CNTN4: variants seen among roughly 807,000 people sequenced by gnomAD.
The protein encoded by CNTN4 is contactin 4.
A neutral mutation model predicts 122.5 loss-of-function variants in CNTN4; 77 were observed. The observed-to-expected ratio is 0.63, with a 90% CI of 0.52 to 0.76. The LOEUF is 0.76. CNTN4 is among the 30% of genes least tolerant of loss of function. CNTN4 has a pLI of 0.00. For synonymous variants in CNTN4, 512 were observed against 447.0 expected, an observed-to-expected ratio of 1.15 and a Z score of -1.83; for missense variants, 1,256 against 1,259.1, an observed-to-expected ratio of 1.00 and a Z score of 0.04.
chr3:2,365,836 T>C (rs2045356072), intron 3 of CNTN4, among the ~76,000 whole-genome samples: 1 of 152,156 alleles, frequency 6.6e-6, no homozygotes. Flanking sequence ...AAACAAAACG[T>C]AAACACAAAA....
At chr3:2,122,681 C>T (rs2033881444) in intron 2 of CNTN4, among the ~76,000 whole-genome samples, 1 of 152,014 alleles carries the variant, frequency 6.6e-6, no homozygotes, top group South Asian at 2.1e-4. Context: ...TAATTATTTC[C>T]AGATTGCCCT....
chr3:2,907,762 G>A (rs1209040967), intron 12 of CNTN4, among the ~76,000 whole-genome samples: 1 of 152,054 alleles, frequency 6.6e-6, no homozygotes, highest in Non-Finnish European at 1.5e-5. Context: ...TTTTCCCTTG[G>A]TTTTATTTTA....
chr3:2,623,348 G>A (rs1306716369), intron 4 of CNTN4, among the ~76,000 whole-genome samples: 2 of 151,426 alleles, frequency 1.3e-5, no homozygotes, highest in African/African-American at 2.4e-5. Context: ...CTGAAGCACA[G>A]CAATCATTTC....
At chr3:2,323,765 C>A (rs895570092) in intron 2 of CNTN4, among the ~76,000 whole-genome samples, 1 of 152,108 alleles carries the variant, frequency 6.6e-6, no homozygotes, top group Non-Finnish European at 1.5e-5. Context: ...TGCTTTAGTG[C>A]CTTGACTCAA....
intron 6 of CNTN4, among the ~76,000 whole-genome samples, chr3:2,785,267 CAGT>C (rs906332266): frequency 2.0e-5 from 3 of 152,100 alleles, no homozygotes; most frequent in African/African-American, 7.2e-5. Flanking sequence ...GTTATAATTC[CAGT>C]CCAAGTCTGA....
intron 6 of CNTN4, among the ~76,000 whole-genome samples, chr3:2,799,149 A>C (rs535715479): frequency 8.6e-4 from 131 of 152,220 alleles, no homozygotes; most frequent in Admixed American, 2.4e-3. Flanking sequence ...CTTTTGAAAA[A>C]TGTCTGTTTG....
intron 8 of CNTN4, among the ~76,000 whole-genome samples, chr3:2,873,732 T>C (rs550150268): frequency 6.6e-6 from 1 of 152,326 alleles, no homozygotes; most frequent in South Asian, 2.1e-4. Flanking sequence ...ATTAACCTAG[T>C]GGGTTTTTGA....
chr3:2,388,708 G>A (rs760909905), intron 3 of CNTN4, among the ~76,000 whole-genome samples: 3 of 152,088 alleles, frequency 2.0e-5, no homozygotes, highest in Non-Finnish European at 4.4e-5. Flanking sequence ...AGCCTGGGAT[G>A]GTGGCATGCA....
In CNTN4 at chr3:2,492,381, G is replaced by A. The variant is rs551085791; in HGVS notation, c.-88-79035G>A. Among the ~76,000 whole-genome samples, 3 of 152,242 alleles carry A rather than the reference G, an allele frequency of 2.0e-5. No homozygotes were observed. The East Asian group carries it at 5.8e-4, about 29-fold the overall frequency. On this transcript the variant is annotated intron_variant, in intron 3 of 24. Coordinates refer to ENST00000418658, the MANE Select transcript of CNTN4 (RefSeq NM_175607.3). Reference sequence around the variant, plus strand: ...AGTCCTGCAGGCTTATCATGGATCTGGGGCAGTAATCTAAAGACATTGGAA... The same window carrying A: ...AGTCCTGCAGGCTTATCATGGATCTAGGGCAGTAATCTAAAGACATTGGAA...
intron 4 of CNTN4, among the ~76,000 whole-genome samples, chr3:2,692,174 A>T (rs1172625627): frequency 6.6e-6 from 1 of 152,228 alleles, no homozygotes. Context: ...CTATCTGCTT[A>T]TTCACAAATA....
chr3:2,769,649 A>T (rs770476795), intron 6 of CNTN4, among the ~76,000 whole-genome samples: 1 of 152,192 alleles, frequency 6.6e-6, no homozygotes, highest in Non-Finnish European at 1.5e-5. Context: ...AGAAACACCT[A>T]TGTTGGTTTC....
intron 2 of CNTN4, among the ~76,000 whole-genome samples, chr3:2,264,296 G>T (rs957531763): frequency 6.6e-6 from 1 of 151,850 alleles, no homozygotes. Flanking sequence ...TTGTCTTTTT[G>T]ATAATAGCTG....
chr3:2,946,128 C>A (rs751676980), intron 13 of CNTN4, among the ~76,000 whole-genome samples: 18 of 151,996 alleles, frequency 1.2e-4, no homozygotes, highest in Non-Finnish European at 2.2e-4. Flanking sequence ...GTTGAAAACT[C>A]TGGTTTTCAG....
intron 2 of CNTN4, among the ~76,000 whole-genome samples, chr3:2,196,599 G>T (rs1318010691): frequency 6.6e-6 from 1 of 152,022 alleles, no homozygotes. Flanking sequence ...TCATTCAACA[G>T]TTACTAGTAC....
intron 6 of CNTN4, among the ~76,000 whole-genome samples, chr3:2,753,499 C>T (rs990596021): frequency 6.6e-6 from 1 of 152,144 alleles, no homozygotes; most frequent in Non-Finnish European, 1.5e-5. Context: ...AGGTGAAGAA[C>T]ATGAAAATTA....
At chr3:2,229,062 T>C (rs539365446) in intron 2 of CNTN4, among the ~76,000 whole-genome samples, 1 of 152,290 alleles carries the variant, frequency 6.6e-6, no homozygotes, top group African/African-American at 2.4e-5. Flanking sequence ...CCTTGTAGAA[T>C]TGGCCTATAG....
chr3:2,838,238 G>A (rs1444391979), intron 7 of CNTN4, among the ~76,000 whole-genome samples: 3 of 152,282 alleles, frequency 2.0e-5, no homozygotes, highest in Non-Finnish European at 1.5e-5. Context: ...TAAAGAATGC[G>A]AATGAAGGCA....
chr3:3,035,438 G>A (rs142171084), intron 17 of CNTN4, among the ~76,000 whole-genome samples: 12 of 152,148 alleles, frequency 7.9e-5, no homozygotes, highest in Non-Finnish European at 1.8e-4. Context: ...TAGCACTGTG[G>A]TTCACTTTGG....
chr3:2,136,291 G>T (rs1442093536), intron 2 of CNTN4, among the ~76,000 whole-genome samples: 2 of 152,158 alleles, frequency 1.3e-5, no homozygotes, highest in Non-Finnish European at 2.9e-5. Flanking sequence ...CCTGAAGCTA[G>T]GTTGTCCCAG....
Sources: gnomAD v4.1 joint callset for allele counts (sites outside exome capture counted in the v4.1 genomes callset) on GRCh38, gnomAD v4.1.1 for gene constraint, MANE v1.5 for transcripts, NCBI Gene and HGNC (gene_info 2026-07-23, HGNC 2026-07-21) for gene names.